Variants in COG5 observed in about 807,000 individuals in gnomAD.
The protein encoded by COG5 is component of oligomeric golgi complex 5.
In COG5, 86 loss-of-function variants were observed where a neutral mutation model predicts 110.4. The ratio of observed to expected loss-of-function variants is 0.78; its 90% CI spans 0.65 to 0.93. The LOEUF (loss-of-function observed/expected upper bound fraction) is 0.93. Ranked by LOEUF, COG5 falls within the 40% of genes least tolerant of loss-of-function variation. The pLI, the probability that COG5 is intolerant of heterozygous loss-of-function variation, is 0.00. For missense variants in COG5, 1,077 were observed against 987.0 expected (o/e 1.09, Z -1.22); for synonymous variants, 360 against 334.6 (o/e 1.08, Z -0.83).
intron 10 of COG5, among the ~76,000 whole-genome samples, chr7:107,351,428 G>C (rs1812124556): frequency 1.3e-5 from 2 of 152,148 alleles, no homozygotes; most frequent in South Asian, 4.1e-4. Flanking sequence ...AACACCAAAA[G>C]CGATGGCAAC....
At chr7:107,466,779 C>G (rs919959701) in intron 6 of COG5, among the ~76,000 whole-genome samples, 1 of 152,196 alleles carries the variant, frequency 6.6e-6, no homozygotes, top group South Asian at 2.1e-4. Flanking sequence ...AGGTTTACTA[C>G]GCTAAGTATC....
rs761053124 is a variant in COG5 at position 107,201,849 on chromosome 7, A to T, written c.*1667T>A. 1.3e-5 allele frequency: 2 copies of T among 155,090 alleles called. No homozygotes were observed. The highest frequency in any genetic ancestry group is 4.8e-5 in the African/African-American group (2 of 41,546). The allele number at this position is 155,090 out of a possible 1,614,324, so 9.6% of individuals were successfully genotyped here. On this transcript the variant is annotated 3_prime_UTR_variant, in exon 22 of 22. Coordinates refer to ENST00000297135, the MANE Select transcript of COG5 (RefSeq NM_006348.5). ...TACTGCTTATTAATCTGTATTGTAC[A>T]CATGATGAAATGAAGCAGAAGCTGG...
intron 14 of COG5, among the ~76,000 whole-genome samples, chr7:107,275,220 G>A (rs1171994803): frequency 1.3e-5 from 2 of 151,852 alleles, no homozygotes; most frequent in African/African-American, 2.4e-5. Flanking sequence ...TTGGGAGGCC[G>A]AGGTGGGAGG....
intron 8 of COG5, among the ~76,000 whole-genome samples, chr7:107,371,889 C>T (rs546213504): frequency 1.3e-5 from 2 of 152,222 alleles, no homozygotes; most frequent in Admixed American, 1.3e-4. Flanking sequence ...TCCTTACCAA[C>T]AGGAAGGAAG....
intron 7 of COG5, among the ~76,000 whole-genome samples, chr7:107,389,049 A>G (rs185293250): frequency 3.1e-4 from 47 of 152,322 alleles, no homozygotes; most frequent in African/African-American, 1.1e-3. Flanking sequence ...CACATAGGGT[A>G]TTGATCCTTT....
At chr7:107,287,226 T>C (rs1424224864) in intron 12 of COG5, among the ~76,000 whole-genome samples, 2 of 152,170 alleles carry the variant, frequency 1.3e-5, no homozygotes, top group East Asian at 3.9e-4. Context: ...GCAATTTTAG[T>C]GTTATGGTTA....
At chr7:107,364,013 C>A (rs1813371362) in intron 8 of COG5, among the ~76,000 whole-genome samples, 3 of 151,632 alleles carry the variant, frequency 2.0e-5, no homozygotes, top group Admixed American at 2.0e-4. Context: ...TCAAAGTATG[C>A]ACCTATAAAT....
At chr7:107,409,783 A>T (rs1461964952) in intron 7 of COG5, among the ~76,000 whole-genome samples, 1 of 152,192 alleles carries the variant, frequency 6.6e-6, no homozygotes, top group African/African-American at 2.4e-5. Context: ...CTTTGCATGA[A>T]GTCAAAAACA....
At chr7:107,245,637 C>G (rs1025944161) in intron 17 of COG5, among the ~76,000 whole-genome samples, 3 of 152,066 alleles carry the variant, frequency 2.0e-5, no homozygotes, top group Non-Finnish European at 4.4e-5. Context: ...AATAAAACAT[C>G]TAGGAATACA....
In COG5 at chr7:107,414,703, C is replaced by CTTTTTTTTTTTTTTTTTTTTTTTTTTT. The variant is rs530323655; in HGVS notation, c.539-2098_539-2072dup. Among the ~76,000 whole-genome samples the CTTTTTTTTTTTTTTTTTTTTTTTTTTT allele has an allele frequency of 3.2e-5, 2 of 61,678 alleles. 1 individual carries two copies. Among genetic ancestry groups the CTTTTTTTTTTTTTTTTTTTTTTTTTTT allele is most frequent in the Non-Finnish European group, 7.6e-5 (2 of 26,224 alleles). The allele number at this position is 61,678 out of a possible 152,430, so 40.5% of individuals were successfully genotyped here. ...ATTGATTCCAAAATCCTCACTGTCC[C>CTTTTTTTTTTTTTTTTTTTTTTTTTTT]TTTTTTTTTTTTTTTTTTTTTTTTT... On this transcript the variant is annotated intron_variant, in intron 6 of 21. Coordinates refer to ENST00000297135, the MANE Select transcript of COG5 (RefSeq NM_006348.5).
chr7:107,318,883 A>G (rs1304479948), intron 11 of COG5, among the ~76,000 whole-genome samples: 1 of 152,222 alleles, frequency 6.6e-6, no homozygotes, highest in Non-Finnish European at 1.5e-5. Flanking sequence ...CATTTAGTCC[A>G]TAACAAAAAT....
At chr7:107,210,257 C>G in intron 21 of COG5, 1 of 1,320,136 alleles carries the variant, frequency 7.6e-7, no homozygotes, top group Non-Finnish European at 9.7e-7. Flanking sequence ...TTCAAAGGTA[C>G]AAATGCATGG....
chr7:107,457,329 C>T (rs1473921109), intron 6 of COG5, among the ~76,000 whole-genome samples: 1 of 128,864 alleles, frequency 7.8e-6, no homozygotes, highest in African/African-American at 3.0e-5. Flanking sequence ...CCAGAGCAAC[C>T]AAAACTACCC....
At chr7:107,208,165 A>G in intron 21 of COG5, 1 of 985,404 alleles carries the variant, frequency 1.0e-6, no homozygotes, top group Non-Finnish European at 1.2e-6. Context: ...GGAGTACAGT[A>G]CTTTTTTTGA....
chr7:107,280,501 C>T (rs767857961), intron 14 of COG5, among the ~76,000 whole-genome samples: 7 of 151,772 alleles, frequency 4.6e-5, no homozygotes, highest in African/African-American at 9.7e-5. Flanking sequence ...GTATTTCAAC[C>T]GGGAATGGTT....
At chr7:107,291,908 T>C (rs565915251) in intron 12 of COG5, among the ~76,000 whole-genome samples, 5 of 152,326 alleles carry the variant, frequency 3.3e-5, no homozygotes, top group African/African-American at 1.2e-4. Context: ...TTTTTGAGAA[T>C]ACCCTTAGGT....
intron 7 of COG5, among the ~76,000 whole-genome samples, chr7:107,375,055 A>G (rs1467830328): frequency 6.6e-6 from 1 of 151,994 alleles, no homozygotes; most frequent in Non-Finnish European, 1.5e-5. Flanking sequence ...AAATATTATC[A>G]CTATCATTAC....
At chr7:107,203,675 C>T in intron 21 of COG5, 45 bp from the exon 22 acceptor site, 2 of 1,213,156 alleles carry the variant, frequency 1.6e-6, no homozygotes, top group Non-Finnish European at 2.5e-6. Flanking sequence ...AGATAAATCA[C>T]ATAAAACAGT....
chr7:107,560,438 G>T (rs1209037827), intron 1 of COG5, among the ~76,000 whole-genome samples: 1 of 152,200 alleles, frequency 6.6e-6, no homozygotes, highest in East Asian at 1.9e-4. Flanking sequence ...CTGAAAATGG[G>T]TGATTAGGTA....
Sources: allele counts gnomAD v4.1 joint callset (sites outside exome capture counted in the v4.1 genomes callset), GRCh38; gene constraint gnomAD v4.1.1; transcripts MANE v1.5; gene names NCBI Gene and HGNC (gene_info 2026-07-23, HGNC 2026-07-21).